NRXN1: variants seen among roughly 807,000 people sequenced by gnomAD.
The protein encoded by NRXN1 is neurexin-1.
Under a neutral mutation model 150.9 loss-of-function variants are expected in NRXN1, and 39 were observed. The ratio of observed to expected loss-of-function variants is 0.26; its 90% CI spans 0.20 to 0.34. The LOEUF (loss-of-function observed/expected upper bound fraction) is 0.34. Ranked by LOEUF, NRXN1 falls within the 10% of genes least tolerant of loss-of-function variation. The pLI is 1.00. For synonymous variants in NRXN1, 924 were observed against 757.0 expected, an observed-to-expected ratio of 1.22 and a Z score of -3.62; for missense variants, 1,815 against 1,949.9, an observed-to-expected ratio of 0.93 and a Z score of 1.30.
intron 2 of NRXN1, among the ~76,000 whole-genome samples, chr2:50,938,888 A>G (rs1391242376): frequency 6.6e-6 from 1 of 152,160 alleles, no homozygotes; most frequent in Non-Finnish European, 1.5e-5. Flanking sequence ...GTATATTTAT[A>G]GGAAGTAAAT....
Position 50,056,903 on chromosome 2 carries a change from T to C in NRXN1, c.3719-1859A>G, listed in dbSNP as rs77566481. Among the ~76,000 whole-genome samples the C allele has an allele frequency of 7.5e-3, 1,144 of 152,260 alleles. 7 individuals carry two copies. The highest frequency in any genetic ancestry group is 0.025 in the African/African-American group (1,058 of 41,578). ...ATTGGCATAACACTTCTGACAACTT[T>C]ATGATTAGGTGGTTCCTCATGTTTT... On this transcript the variant is annotated intron_variant, in intron 19 of 22. Coordinates refer to ENST00000401669, the MANE Select transcript of NRXN1 (RefSeq NM_001330078.2).
chr2:50,540,999 T>C (rs2093376574), intron 9 of NRXN1, among the ~76,000 whole-genome samples: 1 of 152,114 alleles, frequency 6.6e-6, no homozygotes, highest in South Asian at 2.1e-4. Context: ...AGAAGGATTC[T>C]ACTCTATTTT....
Position 50,514,295 on chromosome 2 carries a change from C to G in NRXN1, c.2375-7678G>C, listed in dbSNP as rs116150353. ...TACATGATTGTTCAATATATTTAGA[C>G]CTACAGCACCTGGTAATTGAATTAG... On this transcript the variant is annotated intron_variant, in intron 12 of 22. Transcript: ENST00000401669. Among the ~76,000 whole-genome samples the G allele has an allele frequency of 4.9e-3, 746 of 152,162 alleles. 2 individuals carry two copies. Among genetic ancestry groups the G allele is most frequent in the African/African-American group, 0.018 (729 of 41,512 alleles).
At chr2:50,984,046 C>CAGAGGTG (rs1317835968) in intron 2 of NRXN1, among the ~76,000 whole-genome samples, 6 of 151,514 alleles carry the variant, frequency 4.0e-5, no homozygotes, top group Non-Finnish European at 8.8e-5. Context: ...CGACTCACTG[C>CAGAGGTG]AACCTCCACC....
chr2:50,558,660 C>G (rs1040346851), intron 8 of NRXN1, among the ~76,000 whole-genome samples: 1 of 152,152 alleles, frequency 6.6e-6, no homozygotes, highest in Non-Finnish European at 1.5e-5. Flanking sequence ...CAAACGTTAT[C>G]TTAAAAATCT....
At chr2:50,948,734 C>T (rs1426710332) in intron 2 of NRXN1, among the ~76,000 whole-genome samples, 1 of 151,986 alleles carries the variant, frequency 6.6e-6, no homozygotes, top group East Asian at 1.9e-4. Flanking sequence ...TTCAGGCAGT[C>T]ACTAATTGAG....
chr2:50,739,949 C>T (rs1352716553), intron 5 of NRXN1, among the ~76,000 whole-genome samples: 2 of 152,174 alleles, frequency 1.3e-5, no homozygotes, highest in African/African-American at 2.4e-5. Context: ...AAAAAATCAA[C>T]TGGCAGCATA....
chr2:50,228,181 C>A (rs972669462), intron 18 of NRXN1, among the ~76,000 whole-genome samples: 1 of 151,916 alleles, frequency 6.6e-6, no homozygotes, highest in Non-Finnish European at 1.5e-5. Context: ...TAATTTATAT[C>A]ATTTATATAT....
rs554351000 is a variant in NRXN1 at position 50,997,632 on chromosome 2, T to C, written c.772+29870A>G. 6.4e-5 allele frequency among the ~76,000 whole-genome samples: 9 copies of C among 140,458 alleles called. 3 individuals carry two copies. 92.1% of individuals were successfully genotyped at this position (140,458 alleles called of 152,430 possible). The stretch of plus-strand genomic sequence containing the variant: ...AAGCCATCCTCCTGCCTCAGCTTCC[T>C]GAGTAGCTATGACTACAGGTGCACA... On this transcript the variant is annotated intron_variant, in intron 2 of 22. Coordinates refer to ENST00000401669, the MANE Select transcript of NRXN1 (RefSeq NM_001330078.2).
At chr2:50,098,120 G>C (rs1700482007) in intron 18 of NRXN1, among the ~76,000 whole-genome samples, 1 of 152,114 alleles carries the variant, frequency 6.6e-6, no homozygotes. Context: ...TCAAAAACAA[G>C]AAGTTCCTGC....
At chr2:50,399,548 T>G (rs886279071) in intron 17 of NRXN1, among the ~76,000 whole-genome samples, 2 of 151,866 alleles carry the variant, frequency 1.3e-5, no homozygotes, top group Non-Finnish European at 2.9e-5. Context: ...CACAGGGCCC[T>G]TTGCTCTTTC....
chr2:50,975,741 A>AT (rs766456418), intron 2 of NRXN1, among the ~76,000 whole-genome samples: 86 of 152,166 alleles, frequency 5.7e-4, no homozygotes, highest in Non-Finnish European at 1.0e-3. Flanking sequence ...GGGAATGCGA[A>AT]TTATGTGGCC....
intron 15 of NRXN1, among the ~76,000 whole-genome samples, chr2:50,472,984 A>T (rs927160544): frequency 1.3e-5 from 2 of 152,098 alleles, no homozygotes; most frequent in African/African-American, 4.8e-5. Context: ...CACAGTCAAC[A>T]GGCATTATTA....
chr2:50,673,080 G>C (rs1214186134), intron 5 of NRXN1, among the ~76,000 whole-genome samples: 1 of 152,012 alleles, frequency 6.6e-6, no homozygotes, highest in East Asian at 1.9e-4. Flanking sequence ...TGTGATATTT[G>C]AAAGGAGTGG....
chr2:50,989,651 A>C (rs546232449), intron 2 of NRXN1, among the ~76,000 whole-genome samples: 27 of 152,102 alleles, frequency 1.8e-4, no homozygotes, highest in African/African-American at 6.0e-4. Flanking sequence ...CTTACTGTTG[A>C]ATACATAAAT....
chr2:50,784,433 GAGA>G (rs1408907017), intron 5 of NRXN1, among the ~76,000 whole-genome samples: 4 of 152,140 alleles, frequency 2.6e-5, no homozygotes, highest in African/African-American at 9.6e-5. Context: ...AGTGACCCTG[GAGA>G]AGAAGAATGT....
chr2:50,507,471 G>C (rs903606588), intron 12 of NRXN1, among the ~76,000 whole-genome samples: 1 of 152,094 alleles, frequency 6.6e-6, no homozygotes, highest in East Asian at 1.9e-4. Context: ...GGGATTACCA[G>C]TGGGCATCGA....
At chr2:50,208,719 A>G (rs186904778) in intron 18 of NRXN1, among the ~76,000 whole-genome samples, 10 of 152,166 alleles carry the variant, frequency 6.6e-5, no homozygotes, top group Admixed American at 5.9e-4. Flanking sequence ...ATTCAGGGAC[A>G]ACAAGCAAAA....
intron 5 of NRXN1, among the ~76,000 whole-genome samples, chr2:50,860,861 C>T (rs1370353832): frequency 6.6e-6 from 1 of 152,074 alleles, no homozygotes; most frequent in Non-Finnish European, 1.5e-5. Flanking sequence ...AGAGTCTTCA[C>T]ATTCAACATG....
Sources: gnomAD v4.1 joint callset for allele counts (sites outside exome capture counted in the v4.1 genomes callset) on GRCh38, gnomAD v4.1.1 for gene constraint, MANE v1.5 for transcripts, NCBI Gene and HGNC (gene_info 2026-07-23, HGNC 2026-07-21) for gene names.